TGFB1: variants seen among roughly 807,000 people sequenced by gnomAD.
The protein encoded by TGFB1 is transforming growth factor beta-1 proprotein.
TGFB1 carries 19 observed loss-of-function variants against 43.8 expected under a neutral mutation model. The observed-to-expected ratio is 0.43, with a 90% confidence interval of 0.30 to 0.64. The LOEUF is 0.64. Ranked by LOEUF, TGFB1 falls within the 30% of genes least tolerant of loss-of-function variation. The probability of loss-of-function intolerance (pLI) is 0.11; values close to 1 mark genes in which losing one functional copy is unlikely to be tolerated. For missense variants in TGFB1, 445 were observed against 529.8 expected (o/e 0.84, Z 1.57); for synonymous variants, 221 against 236.3 (o/e 0.94, Z 0.60).
chr19:41,334,465 G>A (rs1421657919), intron 5 of TGFB1, among the ~76,000 whole-genome samples: 2 of 120,070 alleles, frequency 1.7e-5, no homozygotes, highest in African/African-American at 6.7e-5. Context: ...GTCTTGCTCC[G>A]TCACCCAGGC....
chr19:41,342,346 G>A, intron 3 of TGFB1, 99 bp from the exon 4 acceptor site: 1 of 1,168,624 alleles, frequency 8.6e-7, no homozygotes. Context: ...CTTCCTTCCT[G>A]CCTCCCCCAC....
intron 5 of TGFB1, among the ~76,000 whole-genome samples, chr19:41,336,429 G>A (rs970750134): frequency 2.7e-5 from 4 of 149,514 alleles, no homozygotes; most frequent in Non-Finnish European, 4.4e-5. Context: ...CTGTCACCCA[G>A]GCTGGAGTGC....
chr19:41,352,657 C>A (rs139178397), intron 1 of TGFB1, 33 bp downstream of exon 1: 96 of 1,609,444 alleles, frequency 6.0e-5, no homozygotes, highest in Non-Finnish European at 7.4e-5. Flanking sequence ...CCTGGGGGCC[C>A]CCCTCCCGGC....
In TGFB1 at chr19:41,353,004, G is replaced by T; in HGVS notation, c.41C>A (p.Pro14Gln). ...CGTCAGCACCAGTAGCCACAGCAGC[G>T]GTAGCAGCAGCGGCAGCAGCCGCAG... ...SGLRLLPLLL[P>Q]LLWLLVLTPG... is the part of the protein sequence containing the mutation. Residue 14 changes from proline (P) to glutamine (Q), a missense_variant, in exon 1 of 7, where the codon CCG becomes CAG. By Grantham distance (76) the Pro-to-Gln change is moderately conservative. Around this residue, in one of 3 missense-constraint regions of TGFB1, gnomAD observed 366 missense variants for 428.8 expected, o/e 0.85. Transcript: ENST00000221930. The surrounding 1 kb of genome is among the most constrained non-coding windows in gnomAD (Gnocchi z 5.9). 2.0e-6 allele frequency: 3 copies of T among 1,535,864 alleles called. No homozygotes were observed. The highest frequency in any genetic ancestry group is 2.6e-6 in the Non-Finnish European group (3 of 1,144,922).
intron 5 of TGFB1, among the ~76,000 whole-genome samples, chr19:41,340,326 G>A (rs1461585704): frequency 2.7e-5 from 4 of 148,600 alleles, no homozygotes; most frequent in African/African-American, 7.5e-5. Context: ...GCGCGATCTC[G>A]GTTCACTGCA....
At chr19:41,336,561 T>C (rs2037990666) in intron 5 of TGFB1, among the ~76,000 whole-genome samples, 1 of 89,406 alleles carries the variant, frequency 1.1e-5, no homozygotes, top group Admixed American at 1.1e-4. Context: ...ACTTTTCATA[T>C]TTTTTTTTTT....
chr19:41,342,024 G>T lies in TGFB1; in HGVS notation c.719C>A (p.Thr240Asn), dbSNP rs1261530955. ...NTLQVDINGF[T>N]TGRRGDLATI... Reference sequence around the variant, plus strand: ...GGCCAGGTCACCTCGGCGGCCGGTAGTGAACCCTGCTTTGGTGTGGGAGTC... The same window carrying T: ...GGCCAGGTCACCTCGGCGGCCGGTATTGAACCCTGCTTTGGTGTGGGAGTC... Residue 240 changes from threonine to asparagine, a missense_variant, in exon 5 of 7, where the codon ACT becomes AAT. By Grantham distance (65) the Thr-to-Asn change is moderately conservative. Coordinates refer to ENST00000221930, the MANE Select transcript of TGFB1 (RefSeq NM_000660.7). 1 of 1,614,174 alleles carries T rather than the reference G, an allele frequency of 6.2e-7. No individual in the cohort carries two copies. The highest frequency in any genetic ancestry group is 1.7e-5 in the Admixed American group (1 of 60,014).
Position 41,332,220 on chromosome 19 carries a change from A to G in TGFB1, c.922T>C (p.Trp308Arg), listed in dbSNP as rs761279576. 1 of 1,614,170 alleles carries G rather than the reference A, an allele frequency of 6.2e-7. No individual in the cohort carries two copies. The highest frequency in any genetic ancestry group is 8.5e-7 in the Non-Finnish European group (1 of 1,180,020). ...LYIDFRKDLG[W>R]KWIHEPKGYH... Reference sequence around the variant, plus strand: ...CCCTTGGGCTCGTGGATCCACTTCCAGCCGAGGTCCTTGCGGAAGTCAATG... The same window carrying G: ...CCCTTGGGCTCGTGGATCCACTTCCGGCCGAGGTCCTTGCGGAAGTCAATG... The change falls in exon 6 of 7, where the codon TGG (tryptophan) becomes CGG (arginine). Residue 308 changes from tryptophan to arginine, a missense_variant. Physicochemically the swap from Trp to Arg is moderately radical, Grantham distance 101. Coordinates refer to ENST00000221930, the MANE Select transcript of TGFB1 (RefSeq NM_000660.7).
intron 5 of TGFB1, among the ~76,000 whole-genome samples, chr19:41,341,466 CAAAAAAAAAAA>C (rs770264069): frequency 5.6e-5 from 2 of 35,586 alleles, no homozygotes; most frequent in African/African-American, 1.2e-4. Context: ...GACTCTGTCT[CAAAAAAAAAAA>C]AAAAAAAAAA....
chr19:41,332,122 AC>A lies in TGFB1; in HGVS notation c.1014+5del, dbSNP rs1411345090. ...CGCATCTCGTAGCCCGGTGGGCCAGACGTACCTTGCTGTACTGCGTGTCCAG... is the reference window on the plus strand; with the variant it reads ...CGCATCTCGTAGCCCGGTGGGCCAGAGTACCTTGCTGTACTGCGTGTCCAG... On this transcript the variant is annotated splice_donor_5th_base_variant and intron_variant, in intron 6 of 6. Coordinates refer to ENST00000221930, the MANE Select transcript of TGFB1 (RefSeq NM_000660.7). The A allele has an allele frequency of 1.4e-5, 23 of 1,609,630 alleles. No individual in the cohort carries two copies. Among genetic ancestry groups the A allele is most frequent in the Non-Finnish European group, 1.9e-5 (22 of 1,176,334 alleles).
intron 5 of TGFB1, among the ~76,000 whole-genome samples, chr19:41,333,338 G>A (rs1481006172): frequency 2.0e-5 from 3 of 148,448 alleles, no homozygotes; most frequent in Admixed American, 6.9e-5. Context: ...TCAGCCTTCC[G>A]AGTAGCTGGG....
Position 41,352,714 on chromosome 19 carries a change from C to T in TGFB1, c.331G>A (p.Val111Met), listed in dbSNP as rs2038223113. Residue 111 changes from valine to methionine, a missense_variant, in exon 1 of 7, where the codon GTG becomes ATG. This residue lies in a region of TGFB1 where 366 missense variants were observed against 428.8 expected (regional missense o/e 0.85). Transcript: ENST00000221930. The stretch of plus-strand genomic sequence containing the variant: ...CCGTTGTGGGTTTCCACCATTAGCA[C>T]GCGGGTGACCTCCTTGGCGTAGTAG... The part of the protein sequence containing the change: ...ADYYAKEVTR[V>M]LMVETHNEIY... 1 of 1,613,620 alleles carries T rather than the reference C, an allele frequency of 6.2e-7. No homozygotes were observed. The highest frequency in any genetic ancestry group is 8.5e-7 in the Non-Finnish European group (1 of 1,179,868).
At position 41,344,843 on chromosome 19, in the gene TGFB1, G is replaced by A. The variant is rs868227563; in HGVS notation, c.538C>T (p.Arg180Ter). 1.3e-6 allele frequency: 2 copies of A among 1,597,014 alleles called. No homozygotes were observed. Among genetic ancestry groups the A allele is most frequent in the South Asian group, 1.1e-5 (1 of 88,612 alleles). Residue 180 changes from arginine to a stop codon, truncating the protein, a stop_gained, in exon 3 of 7, where the codon CGA becomes TGA. Coordinates refer to ENST00000221930, the MANE Select transcript of TGFB1 (RefSeq NM_000660.7). LOFTEE classifies it high-confidence loss of function. ...LYQKYSNNSW[R>*]YLSNRLLAPS... ...GCCAGCAGCCGGTTGCTGAGGTATCGCCAGGAATTGTTGCTGTATTTCTAG... is the reference window on the plus strand; with the variant it reads ...GCCAGCAGCCGGTTGCTGAGGTATCACCAGGAATTGTTGCTGTATTTCTAG...
chr19:41,334,710 A>T (rs1164366148), intron 5 of TGFB1, among the ~76,000 whole-genome samples: 2 of 151,974 alleles, frequency 1.3e-5, no homozygotes, highest in African/African-American at 4.8e-5. Context: ...CCCAACTTCA[A>T]GTGGCACCGG....
rs2123117460 is a variant in TGFB1 at position 41,352,625 on chromosome 19, TGGCCCCGGCA to T, written c.355+55_355+64del. The T allele has an allele frequency of 8.3e-6, 13 of 1,569,934 alleles. No homozygotes were observed. In the East Asian group the frequency reaches 2.5e-4, roughly 30 times the overall value. On this transcript the variant is annotated intron_variant, in intron 1 of 6. Coordinates refer to ENST00000221930, the MANE Select transcript of TGFB1 (RefSeq NM_000660.7). Reference sequence around the variant, plus strand: ...TCTTCTGCCAGTCACTTCCTACCCGTGGCCCCGGCACTCCGGCGCCCCCTGGGGGCCCCCC... The same window carrying T: ...TCTTCTGCCAGTCACTTCCTACCCGTCTCCGGCGCCCCCTGGGGGCCCCCC...
intron 1 of TGFB1, among the ~76,000 whole-genome samples, chr19:41,348,663 C>G (rs2038146875): frequency 2.0e-5 from 3 of 150,352 alleles, no homozygotes; most frequent in Admixed American, 6.7e-5. Context: ...CGCTCTGTCA[C>G]CCAGGCTTGG....
At chr19:41,336,877 CT>C (rs370098859) in intron 5 of TGFB1, among the ~76,000 whole-genome samples, 39 of 149,028 alleles carry the variant, frequency 2.6e-4, no homozygotes, top group African/African-American at 4.7e-4. Context: ...TCATAAATAT[CT>C]TTTTTTTTTA....
At chr19:41,342,507 G>T (rs1046465501) in intron 3 of TGFB1, among the ~76,000 whole-genome samples, 1 of 129,068 alleles carries the variant, frequency 7.7e-6, no homozygotes, top group African/African-American at 3.1e-5. Flanking sequence ...GTGCTACCAC[G>T]CATGGCTAAT....
At chr19:41,344,991 C>T (rs191705375) in intron 2 of TGFB1, 127 bp from the exon 3 acceptor site, 2 of 844,296 alleles carry the variant, frequency 2.4e-6, no homozygotes, top group African/African-American at 1.7e-5. Flanking sequence ...AGGCACTACC[C>T]TCTCAGACAG....
Sources: allele counts gnomAD v4.1 joint callset (sites outside exome capture counted in the v4.1 genomes callset), GRCh38; gene constraint gnomAD v4.1.1; regional missense constraint gnomAD v4.1.1; non-coding constraint Gnocchi (gnomAD v3.1); transcripts MANE v1.5; gene names NCBI Gene and HGNC (gene_info 2026-07-23, HGNC 2026-07-21).